The following THSD7A variants were observed in gnomAD, a reference collection of about 807,000 sequenced individuals.
THSD7A encodes the protein thrombospondin type-1 domain-containing protein 7A.
In THSD7A, 96 loss-of-function variants were observed where a neutral mutation model predicts 231.3. That is an observed-to-expected ratio of 0.41 (90% confidence interval 0.35 to 0.49). The LOEUF (loss-of-function observed/expected upper bound fraction) is 0.49. Ranked by LOEUF, THSD7A falls within the 20% of genes least tolerant of loss-of-function variation. The probability of loss-of-function intolerance (pLI) is 0.05; values close to 1 mark genes in which losing one functional copy is unlikely to be tolerated. For synonymous variants in THSD7A, 940 were observed against 743.3 expected, an observed-to-expected ratio of 1.26 and a Z score of -4.30; for missense variants, 2,290 against 2,070.2, an observed-to-expected ratio of 1.11 and a Z score of -2.06.
chr7:11,814,364 T>C lies in THSD7A; in HGVS notation c.190+17393A>G, dbSNP rs553337099. 4.6e-5 allele frequency among the ~76,000 whole-genome samples: 7 copies of C among 152,316 alleles called. No homozygotes were observed. Among genetic ancestry groups the C allele is most frequent in the Admixed American group, 4.6e-4 (7 of 15,284 alleles). On this transcript the variant is annotated intron_variant, in intron 1 of 27. Coordinates refer to ENST00000423059, the MANE Select transcript of THSD7A (RefSeq NM_015204.3). This position sits in a 1 kb window ranked among gnomAD's most constrained non-coding sequence, Gnocchi z 5.1. ...ACGTGACAAACAAAGGAGATTCATC[T>C]CATTTATAATAACATGGCACAAAAG...
intron 1 of THSD7A, among the ~76,000 whole-genome samples, chr7:11,771,103 CAT>C (rs1248246024): frequency 1.3e-5 from 2 of 150,694 alleles, no homozygotes; most frequent in Non-Finnish European, 3.0e-5. Context: ...TATATAGAAA[CAT>C]TGACTATTAA....
chr7:11,591,602 A>G (rs1372284084), intron 3 of THSD7A, among the ~76,000 whole-genome samples: 2 of 152,154 alleles, frequency 1.3e-5, no homozygotes, highest in Non-Finnish European at 2.9e-5. Flanking sequence ...TGTCAGTGGT[A>G]AGGTTTTGTG....
chr7:11,513,320 A>G (rs978080649), intron 6 of THSD7A, among the ~76,000 whole-genome samples: 6 of 146,954 alleles, frequency 4.1e-5, no homozygotes, highest in African/African-American at 1.5e-4. Context: ...AATAGAATAA[A>G]ATAATAAAAA....
intron 16 of THSD7A, among the ~76,000 whole-genome samples, chr7:11,418,149 T>A (rs1784023841): frequency 6.6e-6 from 1 of 152,206 alleles, no homozygotes. Context: ...CATTTATCGA[T>A]TCATTTTGTC....
At chr7:11,531,111 T>C (rs1158000166) in intron 6 of THSD7A, among the ~76,000 whole-genome samples, 1 of 152,140 alleles carries the variant, frequency 6.6e-6, no homozygotes, top group African/African-American at 2.4e-5. Flanking sequence ...ATAATACCAG[T>C]ATAAGGAAAA....
At chr7:11,546,001 A>C (rs55) in intron 4 of THSD7A, among the ~76,000 whole-genome samples, 114,926 of 151,956 alleles carry the variant, frequency 0.76, 44,316 homozygotes, top group African/African-American at 0.9. Flanking sequence ...CTGGCCTTGT[A>C]CACTTGCAGT....
At chr7:11,551,734 T>C (rs771763037) in intron 4 of THSD7A, among the ~76,000 whole-genome samples, 1 of 152,172 alleles carries the variant, frequency 6.6e-6, no homozygotes, top group African/African-American at 2.4e-5. Flanking sequence ...AGAACACTTA[T>C]ACACTGCCAG....
At chr7:11,683,658 C>A (rs1783954854) in intron 1 of THSD7A, among the ~76,000 whole-genome samples, 1 of 151,850 alleles carries the variant, frequency 6.6e-6, no homozygotes, top group South Asian at 2.1e-4. Flanking sequence ...AAACAGCCTC[C>A]CAAAATTTAA....
intron 1 of THSD7A, among the ~76,000 whole-genome samples, chr7:11,726,272 A>C (rs1017059751): frequency 6.6e-6 from 1 of 152,044 alleles, no homozygotes; most frequent in South Asian, 2.1e-4. Context: ...TTTCTAATAG[A>C]AAATGAACCT....
At chr7:11,501,409 A>G (rs1174017133) in intron 6 of THSD7A, among the ~76,000 whole-genome samples, 1 of 152,258 alleles carries the variant, frequency 6.6e-6, no homozygotes, top group African/African-American at 2.4e-5. Context: ...ATGTAAAGGA[A>G]CCAAAATCAC....
chr7:11,443,923 G>T lies in THSD7A; in HGVS notation c.3064+2138C>A, dbSNP rs1784881260. Among the ~76,000 whole-genome samples, 3 of 151,966 alleles carry T rather than the reference G, an allele frequency of 2.0e-5. No homozygotes were observed. In the South Asian group the frequency reaches 6.2e-4, roughly 31 times the overall value. ...TAACAACAAAAGGACAAGAGTTTTA[G>T]AAACTTCTTTGTGTGAAGAACTTAA... is the stretch of plus-strand genomic sequence containing the variant. On this transcript the variant is annotated intron_variant, in intron 13 of 27. Transcript: ENST00000423059.
At chr7:11,498,721 C>A (rs989359925) in intron 6 of THSD7A, among the ~76,000 whole-genome samples, 2 of 152,098 alleles carry the variant, frequency 1.3e-5, no homozygotes, top group Non-Finnish European at 2.9e-5. Context: ...ATGCAGATGC[C>A]TTTGGGTGGC....
chr7:11,406,300 C>A lies in THSD7A; in HGVS notation c.4237G>T (p.Gly1413Cys), dbSNP rs1783578819. 1 of 1,602,012 alleles carries A rather than the reference C, an allele frequency of 6.2e-7. No homozygotes were observed. Among genetic ancestry groups the A allele is most frequent in the Non-Finnish European group, 8.5e-7 (1 of 1,175,258 alleles). Residue 1413 changes from glycine (G) to cysteine (C), a missense_variant and splice_region_variant, in exon 22 of 28, where the codon GGT becomes TGT. Coordinates refer to ENST00000423059, the MANE Select transcript of THSD7A (RefSeq NM_015204.3). The surrounding 1 kb of genome is among the most constrained non-coding windows in gnomAD (Gnocchi z 4.7). The part of the protein sequence containing the change: ...LEESCSQPCP[G>C]DCYLKDWSSW... ...ATGAATTCTCCTTTGCCGTTGTTAC[C>A]TGGGCAAGGCTGGCTGCAGGATTCC...
intron 23 of THSD7A, chr7:11,385,128 A>G (rs1362216823): frequency 6.6e-6 from 1 of 151,550 alleles, no homozygotes; most frequent in Non-Finnish European, 1.5e-5. Flanking sequence ...AAAAAAAAAA[A>G]GACTATTTAT....
chr7:11,828,926 C>T (rs1785107353), intron 1 of THSD7A, among the ~76,000 whole-genome samples: 1 of 152,102 alleles, frequency 6.6e-6, no homozygotes, highest in African/African-American at 2.4e-5. Flanking sequence ...CTATCTTCCT[C>T]TTCCTCCTCA....
intron 2 of THSD7A, among the ~76,000 whole-genome samples, chr7:11,619,350 T>A (rs747676895): frequency 3.3e-5 from 5 of 151,854 alleles, no homozygotes; most frequent in Non-Finnish European, 7.4e-5. Flanking sequence ...TTATCTAAAC[T>A]TTTACATTAA....
chr7:11,733,321 C>A (rs1181688075), intron 1 of THSD7A, among the ~76,000 whole-genome samples: 3 of 151,782 alleles, frequency 2.0e-5, no homozygotes, highest in African/African-American at 4.8e-5. Flanking sequence ...GAAATTACAT[C>A]TTGATTTATA....
intron 1 of THSD7A, among the ~76,000 whole-genome samples, chr7:11,805,506 CAG>C (rs1055727562): frequency 3.1e-4 from 47 of 152,116 alleles, no homozygotes; most frequent in African/African-American, 1.1e-3. Context: ...TAAAGAATAA[CAG>C]AGAAAAATAG....
Position 11,541,481 on chromosome 7 carries a change from T to C in THSD7A, c.1760A>G (p.Asp587Gly). 6.2e-7 allele frequency: 1 copy of C among 1,613,984 alleles called. No homozygotes were observed. The highest frequency in any genetic ancestry group is 8.5e-7 in the Non-Finnish European group (1 of 1,179,884). The stretch of plus-strand genomic sequence containing the variant: ...GCCTGGACCACACTCCTTTCCGTTA[T>C]CTGGCTCGCAGTTTCCCAGTCTCAC... ...KAVRLGNCEPDNGKECGPGTQ... is the reference protein window; with the variant it reads ...KAVRLGNCEPGNGKECGPGTQ... Residue 587 changes from aspartate to glycine, a missense_variant, in exon 6 of 28, where the codon GAT becomes GGT. Asp to Gly is a moderately conservative substitution (Grantham distance 94). Coordinates refer to ENST00000423059, the MANE Select transcript of THSD7A (RefSeq NM_015204.3).
Sources: gnomAD v4.1 joint callset for allele counts (sites outside exome capture counted in the v4.1 genomes callset) on GRCh38, gnomAD v4.1.1 for gene constraint, Gnocchi (gnomAD v3.1) non-coding constraint, MANE v1.5 for transcripts, NCBI Gene and HGNC (gene_info 2026-07-23, HGNC 2026-07-21) for gene names.